STARD13: variants seen among roughly 807,000 people sequenced by gnomAD.
STARD13 encodes the protein StAR related lipid transfer domain containing 13.
Under a neutral mutation model 106.4 loss-of-function variants are expected in STARD13, and 62 were observed. The observed-to-expected ratio is 0.58, with a 90% CI of 0.48 to 0.72. The LOEUF (loss-of-function observed/expected upper bound fraction) is 0.72. Among genes scored for constraint, STARD13 ranks in the 30% least tolerant of loss-of-function variants. The probability of loss-of-function intolerance (pLI) is 0.00; values close to 1 mark genes in which losing one functional copy is unlikely to be tolerated. For synonymous variants in STARD13, 565 were observed against 553.0 expected, an observed-to-expected ratio of 1.02 and a Z score of -0.31; for missense variants, 1,387 against 1,424.0, an observed-to-expected ratio of 0.97 and a Z score of 0.42.
At chr13:33,192,635 A>T (rs1886331096) in intron 1 of STARD13, among the ~76,000 whole-genome samples, 1 of 152,218 alleles carries the variant, frequency 6.6e-6, no homozygotes, top group Non-Finnish European at 1.5e-5. Context: ...GCAGTGGCTC[A>T]TGCCTGTAAT....
chr13:33,417,773 G>C, the STARD13 span, among the ~76,000 whole-genome samples: 18 of 152,232 alleles, frequency 1.2e-4, no homozygotes, highest in Admixed American at 1.1e-3. Context: ...GGTAAGACTG[G>C]GGGGGAAATG....
At chr13:33,662,153 T>C in the STARD13 span, among the ~76,000 whole-genome samples, 84 of 151,048 alleles carry the variant, frequency 5.6e-4, 1 homozygote, top group African/African-American at 1.9e-3. Context: ...TCCCAGCTAC[T>C]CGGGAAGCTG....
chr13:33,628,956 A>G, the STARD13 span, among the ~76,000 whole-genome samples: 1 of 152,256 alleles, frequency 6.6e-6, no homozygotes, highest in African/African-American at 2.4e-5. Context: ...CCAATGATCA[A>G]TAGCAGATGG....
At chr13:33,140,160 C>T (rs553123851) in intron 4 of STARD13, among the ~76,000 whole-genome samples, 8 of 152,312 alleles carry the variant, frequency 5.3e-5, no homozygotes, top group Admixed American at 3.9e-4. Flanking sequence ...AAGCCCATCT[C>T]GCCTCTGGGT....
At chr13:33,145,174 C>G (rs576496504) in intron 3 of STARD13, among the ~76,000 whole-genome samples, 1 of 152,274 alleles carries the variant, frequency 6.6e-6, no homozygotes, top group East Asian at 1.9e-4. Context: ...AATTCTTAAA[C>G]TCAGTAACAA....
At chr13:33,161,701 T>A (rs1275200363) in intron 3 of STARD13, among the ~76,000 whole-genome samples, 1 of 152,180 alleles carries the variant, frequency 6.6e-6, no homozygotes, top group African/African-American at 2.4e-5. Flanking sequence ...AAATAGTCAA[T>A]TTTACTTTAT....
the STARD13 span, among the ~76,000 whole-genome samples, chr13:33,649,512 C>A: frequency 6.6e-6 from 1 of 152,152 alleles, no homozygotes; most frequent in Non-Finnish European, 1.5e-5. Context: ...TTTGTCATTT[C>A]TCTGGCTATA....
chr13:33,594,588 G>A, the STARD13 span, among the ~76,000 whole-genome samples: 348 of 152,054 alleles, frequency 2.3e-3, no homozygotes, highest in African/African-American at 8.0e-3. Flanking sequence ...GTTCATTAAC[G>A]TTGTTGTGCA....
rs1221868096 is a variant in STARD13 at position 33,128,990 on chromosome 13, G to T, written c.1687C>A (p.Pro563Thr). ...TCCCTCCTGTCTCTGACCCCAGGAG[G>T]CTCAGATTCATTAAGAGATGTTACA... ...RDVTSLNESE[P>T]PGVRDRRDSG... The change falls in exon 5 of 14, where the codon CCT becomes ACT. Residue 563 changes from proline (P) to threonine (T), a missense_variant. Coordinates refer to ENST00000336934, the MANE Select transcript of STARD13 (RefSeq NM_178006.4). 2 of 1,614,142 alleles carry T rather than the reference G, an allele frequency of 1.2e-6. No homozygotes were observed. Among genetic ancestry groups the T allele is most frequent in the African/African-American group, 1.3e-5 (1 of 75,040 alleles).
intron 1 of STARD13, among the ~76,000 whole-genome samples, chr13:33,227,355 A>C (rs1292396169): frequency 3.3e-5 from 5 of 152,250 alleles, no homozygotes; most frequent in Non-Finnish European, 1.5e-5. Context: ...TTAAACAGAT[A>C]CCTAATTTGT....
At chr13:33,606,528 T>A in the STARD13 span, among the ~76,000 whole-genome samples, 1 of 152,248 alleles carries the variant, frequency 6.6e-6, no homozygotes, top group East Asian at 1.9e-4. Context: ...TTGGGTTGTA[T>A]ACTTTATTAT....
chr13:33,639,114 A>T, the STARD13 span, among the ~76,000 whole-genome samples: 1 of 152,232 alleles, frequency 6.6e-6, no homozygotes, highest in East Asian at 1.9e-4. Flanking sequence ...AAGAAATGAG[A>T]AACAAATGGA....
the STARD13 span, among the ~76,000 whole-genome samples, chr13:33,381,288 G>C: frequency 6.6e-6 from 1 of 151,652 alleles, no homozygotes; most frequent in Non-Finnish European, 1.5e-5. Context: ...GAATTTTTTT[G>C]CTCCCTACCC....
chr13:33,186,789 C>G (rs797207), intron 1 of STARD13, among the ~76,000 whole-genome samples: 2 of 151,866 alleles, frequency 1.3e-5, no homozygotes, highest in African/African-American at 4.8e-5. Context: ...CAAAAAAAAC[C>G]CTTGTTTACT....
intron 12 of STARD13, 90 bp downstream of exon 12, chr13:33,109,783 T>G (rs2138063648): frequency 7.9e-7 from 1 of 1,267,906 alleles, no homozygotes; most frequent in Non-Finnish European, 1.1e-6. Context: ...AGGCTGGACT[T>G]TGGTGGGAGA....
the STARD13 span, among the ~76,000 whole-genome samples, chr13:33,502,991 G>A: frequency 2.6e-5 from 4 of 152,138 alleles, no homozygotes; most frequent in South Asian, 2.1e-4. Context: ...GGTAGAATTC[G>A]GCTATGAATC....
the STARD13 span, among the ~76,000 whole-genome samples, chr13:33,577,201 C>A: frequency 6.6e-6 from 1 of 152,186 alleles, no homozygotes; most frequent in Non-Finnish European, 1.5e-5. Flanking sequence ...TGGATTCAAA[C>A]TAAACTTAGT....
intron 1 of STARD13, among the ~76,000 whole-genome samples, chr13:33,223,465 C>T (rs1326758276): frequency 6.6e-6 from 1 of 152,066 alleles, no homozygotes; most frequent in Non-Finnish European, 1.5e-5. Context: ...TCGAGACCAG[C>T]CTGGCCAATG....
At chr13:33,669,832 C>T in the STARD13 span, among the ~76,000 whole-genome samples, 2 of 152,062 alleles carry the variant, frequency 1.3e-5, no homozygotes, top group Admixed American at 1.3e-4. Context: ...CCACACCCGG[C>T]CAGAAGAGGA....
Sources: gnomAD v4.1 joint callset for allele counts (sites outside exome capture counted in the v4.1 genomes callset) on GRCh38, gnomAD v4.1.1 for gene constraint, MANE v1.5 for transcripts, NCBI Gene and HGNC (gene_info 2026-07-23, HGNC 2026-07-21) for gene names.